Variants in SYNPO2 observed in about 807,000 individuals in gnomAD.
The protein encoded by SYNPO2 is synaptopodin 2.
A neutral mutation model predicts 85.0 loss-of-function variants in SYNPO2; 56 were observed. The ratio of observed to expected loss-of-function variants is 0.66; its 90% confidence interval spans 0.53 to 0.82. SYNPO2 has a LOEUF of 0.82. Ranked by LOEUF, SYNPO2 falls within the 40% of genes least tolerant of loss-of-function variation. The pLI is 0.00. For synonymous variants in SYNPO2, 602 were observed against 591.1 expected, an observed-to-expected ratio of 1.02 and a Z score of -0.27; for missense variants, 1,575 against 1,534.2, an observed-to-expected ratio of 1.03 and a Z score of -0.44.
At chr4:118,862,427 A>AT (rs1309010153) in intron 1 of SYNPO2, among the ~76,000 whole-genome samples, 1 of 152,072 alleles carries the variant, frequency 6.6e-6, no homozygotes, top group African/African-American at 2.4e-5. Flanking sequence ...AAGACCTTCA[A>AT]TTTTTCCCCA....
At position 119,030,936 on chromosome 4, in the gene SYNPO2, C is replaced by T; in HGVS notation, c.2161C>T (p.Arg721Trp). The T allele has an allele frequency of 6.2e-7, 1 of 1,614,154 alleles. No homozygotes were observed. Among genetic ancestry groups the T allele is most frequent in the Non-Finnish European group, 8.5e-7 (1 of 1,180,028 alleles). The change falls in exon 4 of 5, where the codon CGG (arginine) becomes TGG (tryptophan). Residue 721 changes from arginine (R) to tryptophan (W), a missense_variant. By Grantham distance (101) the Arg-to-Trp change is moderately radical. Transcript: ENST00000307142. ...LSLLQNSEGK[R>W]GTGAGGDSGP... ...ACTCCTTCAAAATTCAGAAGGCAAACGGGGCACTGGAGCTGGAGGTGATTC... is the reference window on the plus strand; with the variant it reads ...ACTCCTTCAAAATTCAGAAGGCAAATGGGGCACTGGAGCTGGAGGTGATTC...
chr4:118,893,945 G>A (rs1157848987), intron 1 of SYNPO2, among the ~76,000 whole-genome samples: 1 of 151,502 alleles, frequency 6.6e-6, no homozygotes, highest in Non-Finnish European at 1.5e-5. Context: ...ATGTATACAT[G>A]TATCACTACA....
At chr4:118,863,987 C>T (rs1013457644) in intron 1 of SYNPO2, among the ~76,000 whole-genome samples, 1 of 152,040 alleles carries the variant, frequency 6.6e-6, no homozygotes, top group African/African-American at 2.4e-5. Context: ...TTCTTTTCTT[C>T]GACTAATTTT....
In SYNPO2 at chr4:119,027,139, G is replaced by A. The variant is rs1737994966; in HGVS notation, c.770G>A (p.Ser257Asn). The A allele has an allele frequency of 6.2e-7, 1 of 1,614,186 alleles. No individual in the cohort carries two copies. The highest frequency in any genetic ancestry group is 8.5e-7 in the Non-Finnish European group (1 of 1,180,044). ...AAAGCAGACCCTTTCCTGAGGTCCAGCAAGATAATCCAGATCTCCAGTGGC... is the reference window on the plus strand; with the variant it reads ...AAAGCAGACCCTTTCCTGAGGTCCAACAAGATAATCCAGATCTCCAGTGGC... ...NEKADPFLRS[S>N]KIIQISSGRE... Residue 257 changes from serine to asparagine, a missense_variant, in exon 3 of 5, where the codon AGC becomes AAC. By Grantham distance (46) the Ser-to-Asn change is conservative (BLOSUM62 1). Coordinates refer to ENST00000307142, the MANE Select transcript of SYNPO2 (RefSeq NM_133477.3).
Position 119,030,943 on chromosome 4 carries a change from C to T in SYNPO2, c.2168C>T (p.Thr723Ile). The T allele has an allele frequency of 6.2e-7, 1 of 1,614,206 alleles. No homozygotes were observed. The highest frequency in any genetic ancestry group is 1.6e-4 in the Middle Eastern group (1 of 6,062). The change falls in exon 4 of 5, where the codon ACT becomes ATT. Residue 723 changes from threonine to isoleucine, a missense_variant. By Grantham distance (89) the Thr-to-Ile change is moderately conservative. Around this residue, in one of 3 missense-constraint regions of SYNPO2, gnomAD observed 1,508 missense variants for 1,446.8 expected, o/e 1.04. Transcript: ENST00000307142. ...CAAAATTCAGAAGGCAAACGGGGCA[C>T]TGGAGCTGGAGGTGATTCCGGACCG... ...LLQNSEGKRG[T>I]GAGGDSGPEE... is the part of the protein sequence containing the mutation.
At chr4:119,012,549 G>A (rs1737360401) in intron 1 of SYNPO2, among the ~76,000 whole-genome samples, 1 of 151,646 alleles carries the variant, frequency 6.6e-6, no homozygotes, top group South Asian at 2.1e-4. Flanking sequence ...CCCTCCCCTT[G>A]CCCACTTGAC....
chr4:119,030,885 G>C lies in SYNPO2; in HGVS notation c.2110G>C (p.Val704Leu). ...KPMFTFKEPK[V>L]SPNPELLSLL... is the part of the protein sequence containing the mutation. ...CATGTTTACTTTTAAAGAGCCCAAA[G>C]TAAGCCCAAATCCTGAACTCTTGTC... Residue 704 changes from valine (V) to leucine (L), a missense_variant, in exon 4 of 5, where the codon GTA (valine) becomes CTA (leucine). By Grantham distance (32) the Val-to-Leu change is conservative. This residue lies in a region of SYNPO2 where 1,508 missense variants were observed against 1,446.8 expected (regional missense o/e 1.04). Transcript: ENST00000307142. 1 of 1,614,176 alleles carries C rather than the reference G, an allele frequency of 6.2e-7. No individual in the cohort carries two copies. The highest frequency in any genetic ancestry group is 8.5e-7 in the Non-Finnish European group (1 of 1,180,040).
At chr4:118,864,939 G>A (rs1731675482) in intron 1 of SYNPO2, among the ~76,000 whole-genome samples, 1 of 152,060 alleles carries the variant, frequency 6.6e-6, no homozygotes. Flanking sequence ...TTTATTACTG[G>A]CTCTATTAGT....
chr4:118,885,470 T>C (rs74991823), upstream of SYNPO2, among the ~76,000 whole-genome samples: 4 of 59,380 alleles, frequency 6.7e-5, no homozygotes, highest in African/African-American at 1.5e-4. Flanking sequence ...TCCATAGGTC[T>C]TTTTTTTTTT....
intron 4 of SYNPO2, chr4:119,038,297 AG>A (rs200529782): frequency 0.021 from 20,604 of 985,384 alleles, 267 homozygotes; most frequent in Non-Finnish European, 0.023. Flanking sequence ...AAGATGGCTC[AG>A]AAAATCAGAT....
At chr4:119,045,303 C>T (rs1738840778) in intron 4 of SYNPO2, among the ~76,000 whole-genome samples, 2 of 152,088 alleles carry the variant, frequency 1.3e-5, no homozygotes, top group Non-Finnish European at 2.9e-5. Context: ...TCTACAAAAA[C>T]TTCCCACATG....
chr4:119,024,256 A>G (rs2149186058), intron 2 of SYNPO2, among the ~76,000 whole-genome samples: 1 of 152,356 alleles, frequency 6.6e-6, no homozygotes, highest in South Asian at 2.1e-4. Flanking sequence ...AAACTACAGC[A>G]TTGACATTTT....
rs1001986790 is a variant in SYNPO2, at chr4:119,038,256, T to C, written c.3252+6229T>C. On this transcript the variant is annotated intron_variant, in intron 4 of 4. Transcript: ENST00000307142. Reference sequence around the variant, plus strand: ...TGCTTTGTAGATAGCTTTGACCACATTCAATGACATTAGGAAAGACTCCAT... The same window carrying C: ...TGCTTTGTAGATAGCTTTGACCACACTCAATGACATTAGGAAAGACTCCAT... The C allele has an allele frequency of 3.0e-6, 3 of 985,198 alleles. No homozygotes were observed. In the African/African-American group the frequency reaches 5.2e-5, roughly 17 times the overall value. 61.0% of individuals were successfully genotyped at this position (985,198 alleles called of 1,614,324 possible).
chr4:119,029,787 T>C, intron 3 of SYNPO2, 58 bp from the exon 4 acceptor site: 1 of 1,480,624 alleles, frequency 6.8e-7, no homozygotes, highest in Non-Finnish European at 9.0e-7. Context: ...TGAGTTGCTG[T>C]GGTGTCTTCC....
At chr4:118,892,957 C>T (rs1414521277) in intron 1 of SYNPO2, among the ~76,000 whole-genome samples, 3 of 151,850 alleles carry the variant, frequency 2.0e-5, no homozygotes, top group Admixed American at 6.6e-5. Flanking sequence ...AATTCTTATC[C>T]CTTAGTGCCA....
intron 4 of SYNPO2, among the ~76,000 whole-genome samples, chr4:119,051,186 A>ATGTGTTTT (rs376359189): frequency 2.0e-5 from 2 of 100,720 alleles, no homozygotes; most frequent in African/African-American, 7.7e-5. Context: ...ATGGGAAGCA[A>ATGTGTTTT]TTTTTTTTTT....
chr4:118,882,907 C>T lies in SYNPO2; in HGVS notation c.12+31967C>T, dbSNP rs1732132464. ...GCCTCAACCTCCTGGGTAGCTGGGA[C>T]TACAGCCACCACGCCCGGCTAATTT... On this transcript the variant is annotated intron_variant, in intron 1 of 4. Transcript: ENST00000610556. 2.0e-5 allele frequency among the ~76,000 whole-genome samples: 3 copies of T among 151,990 alleles called. No homozygotes were observed. In the East Asian group the frequency reaches 5.8e-4, roughly 29 times the overall value.
chr4:118,920,941 A>C (rs1053475426), intron 1 of SYNPO2, among the ~76,000 whole-genome samples: 4 of 150,746 alleles, frequency 2.7e-5, no homozygotes, highest in African/African-American at 9.8e-5. Flanking sequence ...TCTGTCACCT[A>C]TGCTTGAGTG....
chr4:118,952,342 A>AT (rs1211002159), intron 1 of SYNPO2, among the ~76,000 whole-genome samples: 7 of 151,840 alleles, frequency 4.6e-5, no homozygotes, highest in Non-Finnish European at 1.0e-4. Flanking sequence ...CTTCTTTTTT[A>AT]TTTTTTTCCA....
Sources: allele counts gnomAD v4.1 joint callset (sites outside exome capture counted in the v4.1 genomes callset), GRCh38; gene constraint gnomAD v4.1.1; regional missense constraint gnomAD v4.1.1; transcripts MANE v1.5; gene names NCBI Gene and HGNC (gene_info 2026-07-23, HGNC 2026-07-21).